Variants in DOK6 observed in about 807,000 individuals in gnomAD.
DOK6 encodes docking protein 6, also known as downstream of tyrosine kinase 6.
A neutral mutation model predicts 44.0 loss-of-function variants in DOK6; 22 were observed. That is an observed-to-expected ratio of 0.50 (90% CI 0.36 to 0.71). The LOEUF (loss-of-function observed/expected upper bound fraction) is 0.71, where lower values mean the gene tolerates loss of function less well. Ranked by LOEUF, DOK6 falls within the 30% of genes least tolerant of loss-of-function variation. The pLI is 0.00. For missense variants in DOK6, 340 were observed against 416.4 expected (o/e 0.82, Z 1.60); for synonymous variants, 166 against 145.5 (o/e 1.14, Z -1.01).
At chr18:69,719,821 A>G (rs919577392) in intron 5 of DOK6, among the ~76,000 whole-genome samples, 21 of 152,146 alleles carry the variant, frequency 1.4e-4, no homozygotes, top group African/African-American at 5.1e-4. Flanking sequence ...TTCTGACTCA[A>G]TTTTGCAAAG....
intron 7 of DOK6, among the ~76,000 whole-genome samples, chr18:69,770,690 CATTACTTTTCATT>C (rs1276578295): frequency 6.6e-6 from 1 of 152,048 alleles, no homozygotes; most frequent in Non-Finnish European, 1.5e-5. Flanking sequence ...TGAGGGTTGC[CATTACTTTTCATT>C]ATTGCTTTTC....
intron 1 of DOK6, among the ~76,000 whole-genome samples, chr18:69,560,784 G>T (rs896956501): frequency 1.3e-5 from 2 of 152,010 alleles, no homozygotes; most frequent in African/African-American, 4.8e-5. Flanking sequence ...ACACTTAATT[G>T]TCCGTAGCTA....
At chr18:69,690,147 C>CA (rs1434786148) in intron 4 of DOK6, among the ~76,000 whole-genome samples, 1 of 150,452 alleles carries the variant, frequency 6.6e-6, no homozygotes, top group Non-Finnish European at 1.5e-5. Context: ...TTTTGTAAAG[C>CA]AAAAAAGAAA....
At chr18:69,531,694 C>T (rs575064763) in intron 1 of DOK6, among the ~76,000 whole-genome samples, 5 of 152,252 alleles carry the variant, frequency 3.3e-5, no homozygotes, top group Non-Finnish European at 7.4e-5. Flanking sequence ...AAGCACTGGA[C>T]ATTACCCACT....
At chr18:69,517,169 A>C (rs1981551365) in intron 1 of DOK6, among the ~76,000 whole-genome samples, 1 of 152,214 alleles carries the variant, frequency 6.6e-6, no homozygotes, top group African/African-American at 2.4e-5. Context: ...TACTCTCTGA[A>C]GACCCCTAAG....
chr18:69,419,983 G>A (rs1978441303), intron 1 of DOK6, among the ~76,000 whole-genome samples: 1 of 152,006 alleles, frequency 6.6e-6, no homozygotes, highest in Non-Finnish European at 1.5e-5. Flanking sequence ...AAATATGCCA[G>A]CAATAATATA....
At chr18:69,405,033 G>A (rs1599115279) in intron 1 of DOK6, among the ~76,000 whole-genome samples, 1 of 152,148 alleles carries the variant, frequency 6.6e-6, no homozygotes, top group African/African-American at 2.4e-5. Flanking sequence ...AAATGTGGAG[G>A]GACAGATTGC....
chr18:69,459,088 TCCC>T (rs1246824468), intron 1 of DOK6, among the ~76,000 whole-genome samples: 1 of 78,156 alleles, frequency 1.3e-5, no homozygotes, highest in Non-Finnish European at 2.4e-5. Context: ...AGAGCGAGAC[TCCC>T]CCCAACAACC....
chr18:69,754,937 C>G (rs1390447371), intron 6 of DOK6, among the ~76,000 whole-genome samples: 4 of 152,112 alleles, frequency 2.6e-5, no homozygotes, highest in Non-Finnish European at 5.9e-5. Context: ...GGAATGGACT[C>G]TATTTTAAAA....
chr18:69,729,847 T>C (rs988685854), intron 5 of DOK6, among the ~76,000 whole-genome samples: 5 of 152,030 alleles, frequency 3.3e-5, no homozygotes, highest in African/African-American at 1.2e-4. Flanking sequence ...TTTAAGAAAA[T>C]GGAGTGGCTC....
intron 1 of DOK6, among the ~76,000 whole-genome samples, chr18:69,473,125 T>C (rs1980163674): frequency 1.3e-5 from 2 of 152,320 alleles, no homozygotes; most frequent in South Asian, 4.2e-4. Context: ...GCATAACTGA[T>C]ATAACCCTGC....
chr18:69,555,384 T>C (rs892495808), intron 1 of DOK6, among the ~76,000 whole-genome samples: 2 of 152,148 alleles, frequency 1.3e-5, no homozygotes, highest in African/African-American at 4.8e-5. Context: ...GTGTAGTCTT[T>C]TTTTCCGTTA....
intron 1 of DOK6, among the ~76,000 whole-genome samples, chr18:69,540,102 C>A (rs1040203389): frequency 6.6e-6 from 1 of 152,036 alleles, no homozygotes; most frequent in African/African-American, 2.4e-5. Flanking sequence ...GGAAACTGCC[C>A]CCAGGATCCA....
In DOK6 at chr18:69,846,846, T is replaced by C. The variant is rs1158310093; in HGVS notation, c.*5463T>C. The C allele has an allele frequency of 6.6e-6, 1 of 152,178 alleles. No homozygotes were observed. The highest frequency in any genetic ancestry group is 1.5e-5 in the Non-Finnish European group (1 of 68,028). 9.4% of individuals were successfully genotyped at this position (152,178 alleles called of 1,614,324 possible). A position where few individuals can be genotyped will look rare whatever the true frequency, so the allele number is the denominator to read the frequency against. ...TCATGTGAGCCTCAAGAAGCTTCCA[T>C]TATCAACAAGAATTGGGGAAATGAC... On this transcript the variant is annotated 3_prime_UTR_variant, in exon 8 of 8. Transcript: ENST00000382713.
chr18:69,625,499 C>T (rs1984537832), intron 3 of DOK6, among the ~76,000 whole-genome samples: 1 of 152,148 alleles, frequency 6.6e-6, no homozygotes. Flanking sequence ...TCAGATACAT[C>T]ATGTCTATTA....
intron 1 of DOK6, among the ~76,000 whole-genome samples, chr18:69,461,625 A>G (rs1979790528): frequency 6.6e-6 from 1 of 151,736 alleles, no homozygotes; most frequent in African/African-American, 2.4e-5. Flanking sequence ...TATTTATCTC[A>G]CCCCACTTTT....
At chr18:69,546,679 A>G (rs894615690) in intron 1 of DOK6, among the ~76,000 whole-genome samples, 7 of 151,594 alleles carry the variant, frequency 4.6e-5, no homozygotes, top group Non-Finnish European at 8.9e-5. Flanking sequence ...TTTTATTGGT[A>G]CATAATATTT....
At chr18:69,709,182 T>C (rs1263876569) in intron 5 of DOK6, among the ~76,000 whole-genome samples, 1 of 152,160 alleles carries the variant, frequency 6.6e-6, no homozygotes, top group Non-Finnish European at 1.5e-5. Flanking sequence ...ATGACTCTGG[T>C]GTCACTTACT....
At chr18:69,693,076 A>G (rs542136968) in intron 4 of DOK6, among the ~76,000 whole-genome samples, 1 of 152,322 alleles carries the variant, frequency 6.6e-6, no homozygotes, top group South Asian at 2.1e-4. Flanking sequence ...TAAGAGGAAG[A>G]CAAGCTAAAA....
Sources: allele counts gnomAD v4.1 joint callset (sites outside exome capture counted in the v4.1 genomes callset), GRCh38; gene constraint gnomAD v4.1.1; transcripts MANE v1.5; gene names NCBI Gene and HGNC (gene_info 2026-07-23, HGNC 2026-07-21).